The following PRKG1 variants were observed in gnomAD, a reference collection of about 807,000 sequenced individuals.
The protein encoded by PRKG1 is cGMP-dependent protein kinase 1.
Under a neutral mutation model 88.1 loss-of-function variants are expected in PRKG1, and 35 were observed. That is an observed-to-expected ratio of 0.40 (90% confidence interval 0.30 to 0.53). The LOEUF is 0.53. Among genes scored for constraint, PRKG1 ranks in the 20% least tolerant of loss-of-function variants. PRKG1 has a pLI of 0.59. For missense variants in PRKG1, 540 were observed against 839.8 expected (o/e 0.64, Z 4.41); for synonymous variants, 303 against 292.5 (o/e 1.04, Z -0.37).
chr10:51,680,364 G>T (rs113759012), intron 3 of PRKG1, among the ~76,000 whole-genome samples: 11 of 151,546 alleles, frequency 7.3e-5, no homozygotes, highest in Middle Eastern at 3.5e-3. Flanking sequence ...GCCCACTCCC[G>T]CCCTGTGGGG....
At chr10:51,253,402 C>T (rs1256205158) in intron 2 of PRKG1, among the ~76,000 whole-genome samples, 1 of 151,848 alleles carries the variant, frequency 6.6e-6, no homozygotes, top group African/African-American at 2.4e-5. Context: ...TATAAGATTA[C>T]AAGTTTCCCT....
intron 5 of PRKG1, among the ~76,000 whole-genome samples, chr10:51,997,273 C>T (rs1844471469): frequency 6.6e-6 from 1 of 151,796 alleles, no homozygotes; most frequent in Admixed American, 6.6e-5. Context: ...GAGATTGAGC[C>T]CATCCTGGCC....
chr10:51,542,819 A>C (rs1842341724), intron 3 of PRKG1, among the ~76,000 whole-genome samples: 2 of 152,186 alleles, frequency 1.3e-5, no homozygotes, highest in Admixed American at 1.3e-4. Flanking sequence ...GTGTGGCCTT[A>C]GGCAAGTTAT....
chr10:51,621,232 A>G (rs1839203943), intron 3 of PRKG1, among the ~76,000 whole-genome samples: 1 of 151,766 alleles, frequency 6.6e-6, no homozygotes, highest in African/African-American at 2.4e-5. Flanking sequence ...CTGAAGGGGA[A>G]TCACTTTTTC....
intron 3 of PRKG1, among the ~76,000 whole-genome samples, chr10:51,749,128 T>C (rs73345338): frequency 0.025 from 3,854 of 152,278 alleles, 170 homozygotes; most frequent in African/African-American, 0.086. Flanking sequence ...TTGTGAAACA[T>C]ACATACACTA....
At chr10:51,914,901 GT>G (rs1842304787) in intron 5 of PRKG1, among the ~76,000 whole-genome samples, 1 of 151,996 alleles carries the variant, frequency 6.6e-6, no homozygotes, top group African/African-American at 2.4e-5. Context: ...TTATAAGAAA[GT>G]TTTTTAAAAA....
chr10:51,256,979 A>T (rs967192243), intron 2 of PRKG1, among the ~76,000 whole-genome samples: 2 of 152,182 alleles, frequency 1.3e-5, no homozygotes, highest in African/African-American at 2.4e-5. Context: ...CTAAGTATAA[A>T]TAAAAATTCA....
At chr10:51,890,375 A>C (rs6480547) in intron 4 of PRKG1, among the ~76,000 whole-genome samples, 109,877 of 152,060 alleles carry the variant, frequency 0.72, 39,868 homozygotes, top group African/African-American at 0.77. Flanking sequence ...AATCCATCAA[A>C]ACTTACAGGT....
Position 52,294,026 on chromosome 10 carries a change from G to A in PRKG1, c.*126G>A, listed in dbSNP as rs1193835266. On this transcript the variant is annotated 3_prime_UTR_variant, in exon 18 of 18. Transcript: ENST00000373980. Reference sequence around the variant, plus strand: ...CACCATGATGCCTTTGATCGATGCTGCTCCAGTAACTACAGTGGCATTAGG... The same window carrying A: ...CACCATGATGCCTTTGATCGATGCTACTCCAGTAACTACAGTGGCATTAGG... 8 of 702,470 alleles carry A rather than the reference G, an allele frequency of 1.1e-5. No homozygotes were observed. The highest frequency in any genetic ancestry group is 1.9e-5 in the Non-Finnish European group (8 of 416,132). The allele number at this position is 702,470 out of a possible 1,614,324, so 43.5% of individuals were successfully genotyped here.
intron 2 of PRKG1, among the ~76,000 whole-genome samples, chr10:51,286,634 G>T (rs1589316789): frequency 6.6e-6 from 1 of 152,138 alleles, no homozygotes; most frequent in African/African-American, 2.4e-5. Context: ...TGAGGTAAAT[G>T]ATCAGATAAC....
intron 5 of PRKG1, among the ~76,000 whole-genome samples, chr10:51,997,290 G>A (rs2879633): frequency 0.22 from 33,552 of 151,702 alleles, 4,296 homozygotes; most frequent in Admixed American, 0.3. Context: ...GGCCAACATG[G>A]TGAAACCCCG....
intron 4 of PRKG1, among the ~76,000 whole-genome samples, chr10:51,888,774 T>C (rs1282917318): frequency 6.6e-6 from 1 of 152,212 alleles, no homozygotes; most frequent in Non-Finnish European, 1.5e-5. Flanking sequence ...AGTTTCTGTC[T>C]CTTCATTTGC....
chr10:51,222,800 C>T (rs1420780422), intron 2 of PRKG1, among the ~76,000 whole-genome samples: 1 of 151,930 alleles, frequency 6.6e-6, no homozygotes, highest in East Asian at 1.9e-4. Context: ...CCCACAACAC[C>T]CCCTCTAAGT....
chr10:51,661,097 A>G (rs930364344), intron 3 of PRKG1, among the ~76,000 whole-genome samples: 1 of 152,096 alleles, frequency 6.6e-6, no homozygotes, highest in Non-Finnish European at 1.5e-5. Flanking sequence ...GAGTGAGTCC[A>G]TATATAAAGA....
intron 7 of PRKG1, among the ~76,000 whole-genome samples, chr10:52,074,554 A>G (rs1004567974): frequency 6.6e-6 from 1 of 152,208 alleles, no homozygotes; most frequent in Non-Finnish European, 1.5e-5. Context: ...CGCTTCAAAA[A>G]TGGACATAAA....
rs142166726 is a variant in PRKG1 at position 51,804,667 on chromosome 10, C to G, written c.675C>G (p.Thr225=). 1 of 1,586,742 alleles carries G rather than the reference C, an allele frequency of 6.3e-7. No individual in the cohort carries two copies. Among genetic ancestry groups the G allele is most frequent in the Non-Finnish European group, 8.6e-7 (1 of 1,156,108 alleles). Residue 225 remains threonine (T), a synonymous_variant, in exon 4 of 18, where the codon ACC becomes ACG. Coordinates refer to ENST00000373980, the MANE Select transcript of PRKG1 (RefSeq NM_006258.4). ...TGAGGACAGGACTCATCAAGCATAC[C>G]GAGTATATGGAATTTTTAAAAAGGT... ...IMMRTGLIKH[T]EYMEFLKSVP...
intron 4 of PRKG1, among the ~76,000 whole-genome samples, chr10:51,861,490 C>T (rs1036401795): frequency 6.6e-6 from 1 of 152,006 alleles, no homozygotes; most frequent in Non-Finnish European, 1.5e-5. Flanking sequence ...GGGTCTATTA[C>T]ATTAGTTTTT....
At chr10:51,082,300 G>T (rs921123488) in intron 1 of PRKG1, among the ~76,000 whole-genome samples, 1 of 152,140 alleles carries the variant, frequency 6.6e-6, no homozygotes, top group Admixed American at 6.6e-5. Context: ...ATAACATATA[G>T]GTCATTCTCT....
chr10:52,061,664 T>C (rs868507141), intron 6 of PRKG1, among the ~76,000 whole-genome samples: 20 of 152,146 alleles, frequency 1.3e-4, no homozygotes, highest in African/African-American at 4.8e-4. Context: ...ATTGAGTGCT[T>C]ATTATAATTT....
Sources: gnomAD v4.1 joint callset for allele counts (sites outside exome capture counted in the v4.1 genomes callset) on GRCh38, gnomAD v4.1.1 for gene constraint, MANE v1.5 for transcripts, NCBI Gene and HGNC (gene_info 2026-07-23, HGNC 2026-07-21) for gene names.